The following GALNT13 variants were observed in gnomAD, a reference collection of about 807,000 sequenced individuals.
The protein encoded by GALNT13 is UDP-GalNAc:polypeptide N-acetylgalactosaminyltransferase 13.
In GALNT13, 28 loss-of-function variants were observed where a neutral mutation model predicts 64.2. The observed-to-expected ratio is 0.44, with a 90% CI of 0.32 to 0.60. The LOEUF is 0.60. Among genes scored for constraint, GALNT13 ranks in the 20% least tolerant of loss-of-function variants. The pLI is 0.05. For synonymous variants in GALNT13, 214 were observed against 224.6 expected, an observed-to-expected ratio of 0.95 and a Z score of 0.42; for missense variants, 577 against 669.8, an observed-to-expected ratio of 0.86 and a Z score of 1.53.
At chr2:153,132,001 C>G in the GALNT13 span, among the ~76,000 whole-genome samples, 1 of 152,014 alleles carries the variant, frequency 6.6e-6, no homozygotes, top group African/African-American at 2.4e-5. Context: ...GAGGAAGGAG[C>G]CTTAGTCAAT....
intron 3 of GALNT13, among the ~76,000 whole-genome samples, chr2:154,071,661 A>G (rs1241590364): frequency 6.6e-6 from 1 of 152,154 alleles, no homozygotes; most frequent in Non-Finnish European, 1.5e-5. Context: ...ACGGACATGT[A>G]CAGAACATTG....
chr2:153,413,941 C>A, the GALNT13 span, among the ~76,000 whole-genome samples: 1 of 152,088 alleles, frequency 6.6e-6, no homozygotes, highest in African/African-American at 2.4e-5. Flanking sequence ...TGTGGAAAAT[C>A]TCTGTACATC....
At chr2:153,125,871 G>A in the GALNT13 span, among the ~76,000 whole-genome samples, 1 of 151,980 alleles carries the variant, frequency 6.6e-6, no homozygotes, top group Non-Finnish European at 1.5e-5. Context: ...TGTTCTTGTT[G>A]ACAATGGGTT....
chr2:154,147,921 T>G (rs1373426103), intron 4 of GALNT13, among the ~76,000 whole-genome samples: 2 of 151,892 alleles, frequency 1.3e-5, no homozygotes, highest in Admixed American at 1.3e-4. Context: ...TATTTTTTAT[T>G]TTTATTATTA....
At chr2:153,241,976 T>C in the GALNT13 span, among the ~76,000 whole-genome samples, 1 of 152,118 alleles carries the variant, frequency 6.6e-6, no homozygotes, top group South Asian at 2.1e-4. Context: ...TCTTGTTTTG[T>C]GTCCTTAAGA....
At chr2:153,431,884 T>A in the GALNT13 span, among the ~76,000 whole-genome samples, 2 of 152,200 alleles carry the variant, frequency 1.3e-5, no homozygotes, top group African/African-American at 4.8e-5. Context: ...ACAATCACAT[T>A]ATATTGGACC....
intron 1 of GALNT13, among the ~76,000 whole-genome samples, chr2:153,887,967 A>G (rs1687301755): frequency 6.6e-6 from 1 of 152,034 alleles, no homozygotes; most frequent in Non-Finnish European, 1.5e-5. Context: ...CTAGTTTTTA[A>G]TGATTTTTAT....
chr2:153,271,076 G>A, the GALNT13 span, among the ~76,000 whole-genome samples: 11 of 151,968 alleles, frequency 7.2e-5, no homozygotes, highest in Non-Finnish European at 1.5e-4. Context: ...ACCCCTTCAT[G>A]CCAAAAACTC....
At chr2:154,037,140 A>G (rs925397125) in intron 3 of GALNT13, among the ~76,000 whole-genome samples, 3 of 152,188 alleles carry the variant, frequency 2.0e-5, no homozygotes, top group African/African-American at 7.2e-5. Flanking sequence ...AATCTTCATT[A>G]TAATGGTTTT....
chr2:153,477,496 C>G, the GALNT13 span: 3 of 152,378 alleles, frequency 2.0e-5, no homozygotes, highest in African/African-American at 7.3e-5. Flanking sequence ...CCAGCAGGAA[C>G]GCTAGACGCC....
chr2:153,319,740 T>C, the GALNT13 span, among the ~76,000 whole-genome samples: 1 of 152,332 alleles, frequency 6.6e-6, no homozygotes, highest in Admixed American at 6.5e-5. Flanking sequence ...CATTTTTCAC[T>C]TTTGACCTGC....
At chr2:154,300,805 C>T (rs1434956094) in intron 8 of GALNT13, among the ~76,000 whole-genome samples, 1 of 151,958 alleles carries the variant, frequency 6.6e-6, no homozygotes, top group Non-Finnish European at 1.5e-5. Flanking sequence ...GTAATCAGTC[C>T]TAAAAGCATG....
chr2:154,151,207 C>G (rs1303286361), intron 4 of GALNT13, among the ~76,000 whole-genome samples: 7 of 152,082 alleles, frequency 4.6e-5, no homozygotes. Context: ...CATTCAGGAG[C>G]AGGTTGTTCA....
intron 3 of GALNT13, among the ~76,000 whole-genome samples, chr2:153,964,745 TA>T (rs1335233120): frequency 6.6e-6 from 1 of 151,794 alleles, no homozygotes; most frequent in African/African-American, 2.4e-5. Context: ...TAGAAAAAAA[TA>T]AAATTAAAAT....
At chr2:153,543,041 A>C in the GALNT13 span, among the ~76,000 whole-genome samples, 5 of 152,222 alleles carry the variant, frequency 3.3e-5, no homozygotes, top group Non-Finnish European at 5.9e-5. Flanking sequence ...AAGTTTTGAT[A>C]ATTTCTTTCC....
intron 4 of GALNT13, among the ~76,000 whole-genome samples, chr2:154,177,899 C>G (rs1018294162): frequency 2.6e-5 from 4 of 152,152 alleles, no homozygotes; most frequent in African/African-American, 7.2e-5. Flanking sequence ...GACACACCAA[C>G]TTGCTTCAAT....
At chr2:153,746,465 T>TA in the GALNT13 span, among the ~76,000 whole-genome samples, 1 of 152,228 alleles carries the variant, frequency 6.6e-6, no homozygotes, top group Admixed American at 6.5e-5. Context: ...ACCTGTAATG[T>TA]TAAAGAGATT....
chr2:153,845,987 A>T, the GALNT13 span, among the ~76,000 whole-genome samples: 1 of 152,320 alleles, frequency 6.6e-6, no homozygotes, highest in Non-Finnish European at 1.5e-5. Flanking sequence ...CTAACCTAGA[A>T]TTTTATGTGT....
At chr2:154,442,085 A>G (rs889967581) in intron 12 of GALNT13, among the ~76,000 whole-genome samples, 2 of 152,120 alleles carry the variant, frequency 1.3e-5, no homozygotes, top group African/African-American at 4.8e-5. Flanking sequence ...CTAAATATAC[A>G]GTATTTCAAA....
Sources: gnomAD v4.1 joint callset for allele counts (sites outside exome capture counted in the v4.1 genomes callset) on GRCh38, gnomAD v4.1.1 for gene constraint, MANE v1.5 for transcripts, NCBI Gene and HGNC (gene_info 2026-07-23, HGNC 2026-07-21) for gene names.